KCNC4: variants seen among roughly 807,000 people sequenced by gnomAD.
KCNC4 encodes the protein potassium voltage-gated channel subfamily C member 4.
Under a neutral mutation model 42.8 loss-of-function variants are expected in KCNC4, and 23 were observed. The ratio of observed to expected loss-of-function variants is 0.54; its 90% CI spans 0.39 to 0.76. KCNC4 has a LOEUF of 0.76. Among genes scored for constraint, KCNC4 ranks in the 30% least tolerant of loss-of-function variants. The probability of loss-of-function intolerance (pLI) is 0.00; values close to 1 mark genes in which losing one functional copy is unlikely to be tolerated. For missense variants in KCNC4, 751 were observed against 898.2 expected (o/e 0.84, Z 2.10); for synonymous variants, 422 against 393.5 (o/e 1.07, Z -0.86).
downstream of KCNC4, among the ~76,000 whole-genome samples, chr1:110,252,504 GCA>G (rs1659265168): frequency 6.6e-6 from 1 of 152,156 alleles, no homozygotes. Flanking sequence ...GCTGTCTTGA[GCA>G]CAGATGGAAC....
At chr1:110,264,604 A>G (rs11102074) in intron 1 of KCNC4, among the ~76,000 whole-genome samples, 62,851 of 152,104 alleles carry the variant, frequency 0.41, 13,975 homozygotes, top group Non-Finnish European at 0.5. Context: ...GGAACCAAAC[A>G]TGACTTTAAC....
At chr1:110,221,549 C>A (rs1449494333) in intron 1 of KCNC4, 1 of 152,218 alleles carries the variant, frequency 6.6e-6, no homozygotes, top group Non-Finnish European at 1.5e-5. Context: ...TTGTATTCTT[C>A]ATTGGTGTTT....
intron 1 of KCNC4, among the ~76,000 whole-genome samples, chr1:110,275,247 A>T (rs868519793): frequency 6.6e-6 from 1 of 152,354 alleles, no homozygotes. Context: ...GCCAAGAAGC[A>T]TAGGAAAAAA....
At chr1:110,216,066 T>C (rs993112839) in intron 1 of KCNC4, among the ~76,000 whole-genome samples, 1 of 152,220 alleles carries the variant, frequency 6.6e-6, no homozygotes, top group African/African-American at 2.4e-5. Context: ...GAGGCGTGGC[T>C]GGGAGAAAAG....
At chr1:110,240,495 A>C (rs186512767) in exon 4 of KCNC4, 1 of 152,478 alleles carries the variant, frequency 6.6e-6, no homozygotes, top group Non-Finnish European at 1.5e-5. Context: ...TCAAATGTTC[A>C]TAGCAAACAA....
At chr1:110,269,213 A>G (rs542152150) in intron 1 of KCNC4, among the ~76,000 whole-genome samples, 6 of 152,292 alleles carry the variant, frequency 3.9e-5, no homozygotes, top group Admixed American at 2.6e-4. Flanking sequence ...TACACCAAGT[A>G]AAATACAACT....
In KCNC4 at chr1:110,212,131, G is replaced by T. The variant is rs369424645; in HGVS notation, c.632G>T (p.Arg211Leu). Residue 211 changes from arginine (R) to leucine (L), a missense_variant, in exon 1 of 4, where the codon CGC becomes CTC. Arg to Leu is a moderately radical substitution (Grantham distance 102). This residue lies in a region of KCNC4 where 181 missense variants were observed against 167.3 expected (regional missense o/e 1.08). Transcript: ENST00000438661. ...GGGGGCTGCCGCGGCTGGCAGCCCCGCATGTGGGCGCTCTTCGAGGATCCC... is the reference window on the plus strand; with the variant it reads ...GGGGGCTGCCGCGGCTGGCAGCCCCTCATGTGGGCGCTCTTCGAGGATCCC... ...GSGGCRGWQP[R>L]MWALFEDPYS... is the part of the protein sequence containing the mutation. 32 of 1,504,362 alleles carry T rather than the reference G, an allele frequency of 2.1e-5. No homozygotes were observed. The highest frequency in any genetic ancestry group is 2.8e-5 in the Non-Finnish European group (32 of 1,143,638). 93.2% of individuals were successfully genotyped at this position (1,504,362 alleles called of 1,614,324 possible). A position where few individuals can be genotyped will look rare whatever the true frequency, so the allele number is the denominator to read the frequency against.
intron 1 of KCNC4, among the ~76,000 whole-genome samples, chr1:110,279,637 G>A (rs1659787286): frequency 6.6e-6 from 1 of 152,172 alleles, no homozygotes; most frequent in Non-Finnish European, 1.5e-5. Context: ...GCTCTCAGAT[G>A]TAAAAGGGGA....
At chr1:110,283,814 C>G (rs561822640), downstream of KCNC4, among the ~76,000 whole-genome samples, 192 of 152,326 alleles carry the variant, frequency 1.3e-3, 1 homozygote, top group African/African-American at 4.4e-3. Flanking sequence ...TTCTGTTAAT[C>G]TCTTTCTGTA....
intron 1 of KCNC4, chr1:110,222,141 ACCAC>A (rs1373721199): frequency 6.6e-6 from 1 of 152,164 alleles, no homozygotes; most frequent in African/African-American, 2.4e-5. Context: ...TTCTGACCAG[ACCAC>A]CCTCTCAACT....
At position 110,274,758 on chromosome 1, in the gene KCNC4, G is replaced by A. The variant is rs184607758; in HGVS notation, n.31-7776G>A. Among the ~76,000 whole-genome samples, 152 of 152,168 alleles carry A rather than the reference G, an allele frequency of 1.0e-3. 1 individual carries two copies. Among genetic ancestry groups the A allele is most frequent in the Non-Finnish European group, 1.7e-3 (117 of 67,982 alleles). ...TGAAAATGTCAACAAAAATATACAC[G>A]AGGGAAAGGATACCCTTTTCAATAA... On this transcript the variant is annotated intron_variant and non_coding_transcript_variant, in intron 1 of 2. Coordinates refer to the KCNC4 transcript ENST00000412512.
chr1:110,274,321 C>T (rs977516280), intron 1 of KCNC4, among the ~76,000 whole-genome samples: 2 of 152,178 alleles, frequency 1.3e-5, no homozygotes, highest in Non-Finnish European at 2.9e-5. Context: ...AATGAAATCC[C>T]AATGAGGAAA....
chr1:110,211,252 C>A lies in KCNC4; in HGVS notation c.-248C>A. 1 of 550,560 alleles carries A rather than the reference C, an allele frequency of 1.8e-6. No homozygotes were observed. The highest frequency in any genetic ancestry group is 2.4e-5 in the South Asian group (1 of 41,404). 34.1% of individuals were successfully genotyped at this position (550,560 alleles called of 1,614,324 possible). A position where few individuals can be genotyped will look rare whatever the true frequency, so the allele number is the denominator to read the frequency against. On this transcript the variant is annotated 5_prime_UTR_variant, in exon 1 of 4. Coordinates refer to ENST00000438661, the MANE Select transcript of KCNC4 (RefSeq NM_001039574.3). The surrounding 1 kb of genome is among the most constrained non-coding windows in gnomAD (Gnocchi z 6.5). ...TTGCTTCTACTTCCCCGGGTCCTCC[C>A]TCTCTGCGCCTCCCTCTCTCCGGAG...
intron 1 of KCNC4, among the ~76,000 whole-genome samples, chr1:110,254,535 G>C (rs1659299212): frequency 6.6e-6 from 1 of 152,230 alleles, no homozygotes; most frequent in South Asian, 2.1e-4. Flanking sequence ...GGCTGAGTGT[G>C]TGACACCTGC....
chr1:110,260,868 TG>T (rs1224671139), intron 1 of KCNC4, among the ~76,000 whole-genome samples: 1 of 152,180 alleles, frequency 6.6e-6, no homozygotes, highest in African/African-American at 2.4e-5. Context: ...AGGCGGAGCT[TG>T]CAGTGAGCCG....
Position 110,276,760 on chromosome 1 carries a change from T to C in KCNC4, n.31-5774T>C, listed in dbSNP as rs115861717. Among the ~76,000 whole-genome samples, 988 of 152,320 alleles carry C rather than the reference T, an allele frequency of 6.5e-3. 14 individuals are homozygous for C. The highest frequency in any genetic ancestry group is 0.021 in the African/African-American group (876 of 41,558). On this transcript the variant is annotated intron_variant and non_coding_transcript_variant, in intron 1 of 2. Transcript: ENST00000412512. ...CAGGCAGAGAGAGCAGGACATTTTGTATTCAACACATCTTAGAACAGCCCC... is the reference window on the plus strand; with the variant it reads ...CAGGCAGAGAGAGCAGGACATTTTGCATTCAACACATCTTAGAACAGCCCC...
chr1:110,281,805 A>G (rs1218841582), intron 1 of KCNC4, among the ~76,000 whole-genome samples: 1 of 152,120 alleles, frequency 6.6e-6, no homozygotes, highest in Non-Finnish European at 1.5e-5. Flanking sequence ...CTTGGCTTCA[A>G]TCTCATGGAT....
chr1:110,260,397 G>A (rs1010384064), intron 1 of KCNC4, among the ~76,000 whole-genome samples: 2 of 152,196 alleles, frequency 1.3e-5, no homozygotes, highest in African/African-American at 4.8e-5. Flanking sequence ...TCATCTATCA[G>A]GTTTCAGGTT....
chr1:110,213,895 G>A (rs77368031), intron 1 of KCNC4, among the ~76,000 whole-genome samples: 10,077 of 152,230 alleles, frequency 0.066, 430 homozygotes, highest in Non-Finnish European at 0.1. Flanking sequence ...GGGGAAAGGG[G>A]ACAAACCAGG....
Sources: allele counts gnomAD v4.1 joint callset (sites outside exome capture counted in the v4.1 genomes callset), GRCh38; gene constraint gnomAD v4.1.1; regional missense constraint gnomAD v4.1.1; non-coding constraint Gnocchi (gnomAD v3.1); transcripts MANE v1.5; gene names NCBI Gene and HGNC (gene_info 2026-07-23, HGNC 2026-07-21).